The following PMFBP1 variants were observed in gnomAD, a reference collection of about 807,000 sequenced individuals.
The protein encoded by PMFBP1 is polyamine modulated factor 1 binding protein 1.
A neutral mutation model predicts 137.8 loss-of-function variants in PMFBP1; 131 were observed. The observed-to-expected ratio is 0.95, with a 90% CI of 0.82 to 1.10. The LOEUF (loss-of-function observed/expected upper bound fraction) is 1.10, where lower values mean the gene tolerates loss of function less well. Ranked by LOEUF, PMFBP1 falls within the 50% of genes least tolerant of loss-of-function variation. The pLI is 0.00. For missense variants in PMFBP1, 1,199 were observed against 1,175.4 expected (o/e 1.02, Z -0.29); for synonymous variants, 490 against 450.4 (o/e 1.09, Z -1.11).
chr16:72,228,461 C>A, the PMFBP1 span, among the ~76,000 whole-genome samples: 1 of 152,294 alleles, frequency 6.6e-6, no homozygotes, highest in South Asian at 2.1e-4. Context: ...ACCCAGGAAG[C>A]CATCCCTGCT....
the PMFBP1 span, among the ~76,000 whole-genome samples, chr16:72,217,995 T>C: frequency 6.6e-6 from 1 of 152,118 alleles, no homozygotes; most frequent in Non-Finnish European, 1.5e-5. Context: ...CAGGAAGAAA[T>C]GCACAGTAGC....
chr16:72,136,405 C>T (rs1277881181), intron 9 of PMFBP1, 43 bp downstream of exon 9: 3 of 1,597,420 alleles, frequency 1.9e-6, no homozygotes, highest in Non-Finnish European at 2.6e-6. Flanking sequence ...CATGGCCTCA[C>T]ACCTGCCCCA....
upstream of PMFBP1, among the ~76,000 whole-genome samples, chr16:72,180,942 T>A (rs1042481097): frequency 2.0e-5 from 3 of 152,034 alleles, no homozygotes; most frequent in South Asian, 2.1e-4. Flanking sequence ...GTGCCTTTTT[T>A]AAAAAAATTA....
upstream of PMFBP1, among the ~76,000 whole-genome samples, chr16:72,178,814 C>T (rs1373272330): frequency 2.0e-5 from 3 of 152,184 alleles, no homozygotes; most frequent in Non-Finnish European, 2.9e-5. Flanking sequence ...CATTTTGACT[C>T]AAGTTAACTT....
intron 5 of PMFBP1, among the ~76,000 whole-genome samples, chr16:72,142,460 A>C (rs2042737936): frequency 6.6e-6 from 1 of 152,238 alleles, no homozygotes; most frequent in Non-Finnish European, 1.5e-5. Context: ...AAACTATGAA[A>C]AATGAGAAAC....
intron 16 of PMFBP1, 79 bp downstream of exon 16, chr16:72,125,159 G>T: frequency 6.6e-7 from 1 of 1,521,964 alleles, no homozygotes; most frequent in Non-Finnish European, 8.9e-7. Context: ...ATGACTTAGT[G>T]CTAAATAATT....
rs1338043199 is a variant in PMFBP1 at position 72,128,766 on chromosome 16, T to C, written c.1979A>G (p.Glu660Gly). The part of the protein sequence containing the change: ...TLKENSRKLE[E>G]ENENLRAELQ... ...CTCTGCTCGGAGATTCTCATTTTCT[T>C]CCTCCAACTTTCTGGAATTCTCTTT... The change falls in exon 14 of 21, where the codon GAA becomes GGA. Residue 660 changes from glutamate (E) to glycine (G), a missense_variant. Transcript: ENST00000237353. 2.5e-6 allele frequency: 4 copies of C among 1,614,198 alleles called. No individual in the cohort carries two copies.
At chr16:72,133,917 G>A (rs1172166568) in intron 9 of PMFBP1, among the ~76,000 whole-genome samples, 2 of 152,120 alleles carry the variant, frequency 1.3e-5, no homozygotes, top group African/African-American at 4.8e-5. Context: ...AGGAGTTAGA[G>A]ACTAGCTTGG....
the PMFBP1 span, among the ~76,000 whole-genome samples, chr16:72,246,168 T>C: frequency 3.7e-4 from 56 of 152,302 alleles, no homozygotes; most frequent in East Asian, 0.011. Context: ...ATTAACAGTA[T>C]ATGGTAACAG....
chr16:72,220,526 G>A, the PMFBP1 span, among the ~76,000 whole-genome samples: 6 of 152,124 alleles, frequency 3.9e-5, no homozygotes, highest in Non-Finnish European at 8.8e-5. Flanking sequence ...GGTAGAGCTT[G>A]GTTTTCCCCT....
At chr16:72,142,805 T>C (rs7203195) in intron 5 of PMFBP1, among the ~76,000 whole-genome samples, 6,301 of 152,254 alleles carry the variant, frequency 0.041, 408 homozygotes, top group African/African-American at 0.14. Flanking sequence ...ACTTCCTATA[T>C]ATACACAGTG....
At chr16:72,128,468 G>C (rs1023429229) in intron 14 of PMFBP1, 189 bp downstream of exon 14, 4 of 1,532,770 alleles carry the variant, frequency 2.6e-6, no homozygotes, top group Non-Finnish European at 3.5e-6. Context: ...TCCACATATG[G>C]AAGAAACATT....
Position 72,119,950 on chromosome 16 carries a change from T to C in PMFBP1, c.2908A>G (p.Arg970Gly). ...CCCAAGGTGCCGCACACTTTCTCCC[T>C]CTGTGTGGACTCCGTTCTGCTCGGG... ...LGPSRTESTQ[R>G]EKVCGTLGWK... The change falls in exon 20 of 21, where the codon AGG (arginine) becomes GGG (glycine). Residue 970 changes from arginine (R) to glycine (G), a missense_variant. Transcript: ENST00000237353. 1 of 1,614,220 alleles carries C rather than the reference T, an allele frequency of 6.2e-7. No individual in the cohort carries two copies. Among genetic ancestry groups the C allele is most frequent in the African/African-American group, 1.3e-5 (1 of 75,060 alleles).
the PMFBP1 span, among the ~76,000 whole-genome samples, chr16:72,187,607 T>A: frequency 6.6e-6 from 1 of 152,140 alleles, no homozygotes; most frequent in Non-Finnish European, 1.5e-5. Flanking sequence ...AGTGATCAAG[T>A]CGTGGAAGGG....
At chr16:72,155,607 C>T (rs894964536) in intron 3 of PMFBP1, among the ~76,000 whole-genome samples, 6 of 152,282 alleles carry the variant, frequency 3.9e-5, no homozygotes, top group Middle Eastern at 3.4e-3. Flanking sequence ...CATTGGCTCC[C>T]GAGGGGTTGA....
At chr16:72,222,349 A>G in the PMFBP1 span, among the ~76,000 whole-genome samples, 1 of 152,008 alleles carries the variant, frequency 6.6e-6, no homozygotes, top group Non-Finnish European at 1.5e-5. Flanking sequence ...AGGTCACTGT[A>G]TTTTCCAAGC....
intron 3 of PMFBP1, among the ~76,000 whole-genome samples, chr16:72,161,976 C>T (rs2043069226): frequency 6.6e-6 from 1 of 152,214 alleles, no homozygotes; most frequent in South Asian, 2.1e-4. Context: ...CCTCTGTACA[C>T]TTCAAAGATG....
intron 13 of PMFBP1, 98 bp from the exon 14 acceptor site, chr16:72,128,892 C>G: frequency 5.8e-6 from 9 of 1,550,684 alleles, no homozygotes; most frequent in Non-Finnish European, 7.9e-6. Flanking sequence ...AGCTCTATCT[C>G]CACCCTGCGG....
chr16:72,185,636 A>C, the PMFBP1 span, among the ~76,000 whole-genome samples: 1 of 152,172 alleles, frequency 6.6e-6, no homozygotes, highest in African/African-American at 2.4e-5. Context: ...AATTGTGGGC[A>C]TACTTGTGTG....
Sources: allele counts gnomAD v4.1 joint callset (sites outside exome capture counted in the v4.1 genomes callset), GRCh38; gene constraint gnomAD v4.1.1; transcripts MANE v1.5; gene names NCBI Gene and HGNC (gene_info 2026-07-23, HGNC 2026-07-21).